Variants in MPDZ observed in about 807,000 individuals in gnomAD.
MPDZ encodes the protein multiple PDZ domain protein.
Under a neutral mutation model 239.1 loss-of-function variants are expected in MPDZ, and 234 were observed. The observed-to-expected ratio is 0.98, with a 90% CI of 0.88 to 1.09. MPDZ has a LOEUF of 1.09. MPDZ is among the 50% of genes least tolerant of loss of function. MPDZ has a pLI of 0.00. For missense variants in MPDZ, 3,175 were observed against 2,510.0 expected (o/e 1.26, Z -5.66); for synonymous variants, 1,048 against 881.3 (o/e 1.19, Z -3.35).
intron 8 of MPDZ, among the ~76,000 whole-genome samples, chr9:13,218,513 C>T (rs1035138357): frequency 1.3e-5 from 2 of 151,848 alleles, no homozygotes; most frequent in Non-Finnish European, 2.9e-5. Flanking sequence ...GCCATTTAAA[C>T]ACTTTCATAA....
At chr9:13,154,019 T>G (rs1268791516) in intron 24 of MPDZ, among the ~76,000 whole-genome samples, 1 of 152,134 alleles carries the variant, frequency 6.6e-6, no homozygotes, top group Non-Finnish European at 1.5e-5. Context: ...ATCATACCTA[T>G]AAGGTAGACA....
At chr9:13,192,444 A>C (rs992023751) in intron 14 of MPDZ, 149 bp from the exon 15 acceptor site, 1 of 651,074 alleles carries the variant, frequency 1.5e-6, no homozygotes, top group African/African-American at 1.8e-5. Context: ...TGGAAATACT[A>C]TCTAAATTTA....
rs374250159 is a variant in MPDZ, at chr9:13,115,289, C to G, written c.5425G>C (p.Gly1809Arg). Residue 1809 changes from glycine (G) to arginine (R), a missense_variant, in exon 40 of 47, where the codon GGT (glycine) becomes CGT (arginine). By Grantham distance (125) the Gly-to-Arg change is moderately radical. Transcript: ENST00000319217. ...GGCCTCCTCTCTGAATGGAATGGAC[C>G]AGCTTTGATTCTTCCAACTTCCAAG... The part of the protein sequence containing the change: ...VTLEVGRIKA[G>R]PFHSERRPSQ... 33 of 1,612,746 alleles carry G rather than the reference C, an allele frequency of 2.0e-5. No homozygotes were observed. In the African/African-American group the frequency reaches 3.3e-4, roughly 16 times the overall value.
intron 6 of MPDZ, 135 bp downstream of exon 6, chr9:13,222,098 G>A: frequency 1.6e-6 from 1 of 613,968 alleles, no homozygotes; most frequent in South Asian, 3.2e-5. Context: ...AATATTCCAG[G>A]CTGGGGAAAA....
chr9:13,154,587 T>C (rs879213806), intron 24 of MPDZ, among the ~76,000 whole-genome samples: 1 of 152,176 alleles, frequency 6.6e-6, no homozygotes, highest in Admixed American at 6.5e-5. Flanking sequence ...GATTAATTAA[T>C]ACATGTAGGG....
intron 3 of MPDZ, among the ~76,000 whole-genome samples, chr9:13,244,429 C>CT (rs1036866381): frequency 2.4e-4 from 36 of 151,606 alleles, no homozygotes; most frequent in African/African-American, 7.5e-4. Context: ...AGTCACAGTT[C>CT]TTTTTTTTTC....
intron 28 of MPDZ, among the ~76,000 whole-genome samples, chr9:13,138,886 G>A (rs1490350645): frequency 6.6e-6 from 1 of 152,164 alleles, no homozygotes; most frequent in Non-Finnish European, 1.5e-5. Flanking sequence ...GTCCAGCCCA[G>A]CTGGGCCCAG....
intron 21 of MPDZ, among the ~76,000 whole-genome samples, chr9:13,173,390 A>C (rs1310647116): frequency 6.6e-6 from 1 of 152,184 alleles, no homozygotes; most frequent in Non-Finnish European, 1.5e-5. Flanking sequence ...AAAATTCAGC[A>C]TTCTTACAAT....
chr9:13,198,226 G>C (rs137985338), intron 12 of MPDZ, among the ~76,000 whole-genome samples: 206 of 152,090 alleles, frequency 1.4e-3, no homozygotes, highest in African/African-American at 4.8e-3. Context: ...GCATTATGAG[G>C]GTTCCCCTTT....
intron 3 of MPDZ, among the ~76,000 whole-genome samples, chr9:13,243,746 C>A (rs1965960288): frequency 6.6e-6 from 1 of 152,086 alleles, no homozygotes; most frequent in African/African-American, 2.4e-5. Context: ...GAAAAGTCTG[C>A]CTTAATTTTG....
intron 1 of MPDZ, among the ~76,000 whole-genome samples, chr9:13,261,241 T>G (rs1335939981): frequency 1.3e-5 from 2 of 152,116 alleles, no homozygotes; most frequent in East Asian, 3.9e-4. Context: ...CAGCCGACAT[T>G]AAGAGAGGCA....
At chr9:13,125,463 T>A in intron 34 of MPDZ, 73 bp from the exon 35 acceptor site, 1 of 1,345,486 alleles carries the variant, frequency 7.4e-7, no homozygotes, top group East Asian at 2.4e-5. Flanking sequence ...GAGTCACCAT[T>A]ATCAATGGAA....
chr9:13,262,867 T>C (rs554633598), intron 1 of MPDZ, among the ~76,000 whole-genome samples: 1 of 152,180 alleles, frequency 6.6e-6, no homozygotes, highest in East Asian at 1.9e-4. Context: ...ATATAAAAAA[T>C]AGTATATGGG....
intron 10 of MPDZ, among the ~76,000 whole-genome samples, chr9:13,213,661 G>A (rs1215273719): frequency 1.3e-5 from 2 of 152,030 alleles, no homozygotes; most frequent in Non-Finnish European, 2.9e-5. Context: ...TTAAAAATCA[G>A]AATATTGATG....
chr9:13,239,589 C>T (rs1028594662), intron 3 of MPDZ, among the ~76,000 whole-genome samples: 2 of 152,080 alleles, frequency 1.3e-5, no homozygotes, highest in African/African-American at 4.8e-5. Flanking sequence ...GGTTAATTTA[C>T]TTAAGTTAAA....
intron 19 of MPDZ, among the ~76,000 whole-genome samples, chr9:13,178,017 G>A (rs980376589): frequency 2.0e-5 from 3 of 152,108 alleles, no homozygotes; most frequent in Non-Finnish European, 4.4e-5. Flanking sequence ...GTCTCATCGT[G>A]ATGGTCTTCA....
At chr9:13,136,320 G>GTTTTCTT (rs1946747015) in intron 30 of MPDZ, 138 bp from the exon 31 acceptor site, 1 of 192,916 alleles carries the variant, frequency 5.2e-6, no homozygotes, top group Non-Finnish European at 8.3e-6. Context: ...ATTTACAAAC[G>GTTTTCTT]TTTTCTTTTT....
At chr9:13,278,308 C>T (rs1205966236) in intron 1 of MPDZ, among the ~76,000 whole-genome samples, 1 of 152,152 alleles carries the variant, frequency 6.6e-6, no homozygotes, top group Non-Finnish European at 1.5e-5. Flanking sequence ...AGTCAGTGCC[C>T]ATTGCCGGGG....
In MPDZ at chr9:13,106,823, GA is replaced by G; in HGVS notation, c.*141del. On this transcript the variant is annotated 3_prime_UTR_variant, in exon 47 of 47. Coordinates refer to ENST00000319217, the MANE Select transcript of MPDZ (RefSeq NM_001378778.1). ...CAGTAAGGAAAGCATTTCTAGATGAGAAAAAGAAACTTAAGTGTTATTTCCC... is the reference window on the plus strand; with the variant it reads ...CAGTAAGGAAAGCATTTCTAGATGAGAAAAGAAACTTAAGTGTTATTTCCC... 2 of 890,166 alleles carry G rather than the reference GA, an allele frequency of 2.2e-6. No individual in the cohort carries two copies. Among genetic ancestry groups the G allele is most frequent in the Non-Finnish European group, 3.3e-6 (2 of 604,510 alleles). 55.1% of individuals were successfully genotyped at this position (890,166 alleles called of 1,614,324 possible).
Sources: gnomAD v4.1 joint callset for allele counts (sites outside exome capture counted in the v4.1 genomes callset) on GRCh38, gnomAD v4.1.1 for gene constraint, MANE v1.5 for transcripts, NCBI Gene and HGNC (gene_info 2026-07-23, HGNC 2026-07-21) for gene names.